Variants in AMOTL1 observed in about 807,000 individuals in gnomAD.
AMOTL1 encodes angiomotin like 1.
Under a neutral mutation model 102.9 loss-of-function variants are expected in AMOTL1, and 45 were observed. The ratio of observed to expected loss-of-function variants is 0.44; its 90% CI spans 0.34 to 0.56. AMOTL1 has a LOEUF of 0.56. AMOTL1 is among the 20% of genes least tolerant of loss of function. The pLI, the probability that AMOTL1 is intolerant of heterozygous loss-of-function variation, is 0.01. For synonymous variants in AMOTL1, 481 were observed against 484.7 expected, an observed-to-expected ratio of 0.99 and a Z score of 0.10; for missense variants, 1,114 against 1,225.6, an observed-to-expected ratio of 0.91 and a Z score of 1.36.
intron 6 of AMOTL1, among the ~76,000 whole-genome samples, chr11:94,848,876 A>T (rs1952474445): frequency 6.6e-6 from 1 of 152,242 alleles, no homozygotes; most frequent in Admixed American, 6.5e-5. Flanking sequence ...GTCCTAAATA[A>T]TTATTCGTTA....
At chr11:94,743,574 CA>C in intron 3 of AMOTL1, among the ~76,000 whole-genome samples, 1 of 150,630 alleles carries the variant, frequency 6.6e-6, no homozygotes, top group Non-Finnish European at 1.5e-5. Flanking sequence ...CAGATGAGCA[CA>C]GGTTCACTCC....
rs373792817 is a variant in AMOTL1, at chr11:94,741,231, C to T, written c.136+243C>T. Among the ~76,000 whole-genome samples the T allele has an allele frequency of 5.3e-3, 796 of 149,436 alleles. 13 individuals are homozygous for T. The highest frequency in any genetic ancestry group is 0.018 in the African/African-American group (750 of 40,928). On this transcript the variant is annotated intron_variant, in intron 3 of 4. Coordinates refer to the AMOTL1 transcript ENST00000299004. The stretch of plus-strand genomic sequence containing the variant: ...GTGTGTGTGTGTGTGCGTGCGTGTG[C>T]GTGTGTGTGTGTGTGAGTGCGTGTG...
intron 6 of AMOTL1, among the ~76,000 whole-genome samples, chr11:94,835,533 A>C (rs566466808): frequency 6.6e-6 from 1 of 152,370 alleles, no homozygotes; most frequent in African/African-American, 2.4e-5. Context: ...TTAGATGTGA[A>C]GAAAATGAAC....
At chr11:94,772,885 T>G (rs1004781929) in intron 1 of AMOTL1, among the ~76,000 whole-genome samples, 12 of 152,242 alleles carry the variant, frequency 7.9e-5, no homozygotes, top group Non-Finnish European at 1.6e-4. Flanking sequence ...CTATTTTTTA[T>G]TTTAGTTGTC....
At chr11:94,729,079 G>T in intron 2 of AMOTL1, 1 of 1,282,264 alleles carries the variant, frequency 7.8e-7, no homozygotes, top group Non-Finnish European at 1.0e-6. Flanking sequence ...TGATGTCCCT[G>T]ATAGCATGGT....
At chr11:94,798,673 G>C (rs372310633) in intron 2 of AMOTL1, among the ~76,000 whole-genome samples, 1 of 152,092 alleles carries the variant, frequency 6.6e-6, no homozygotes, top group South Asian at 2.1e-4. Context: ...GGACAGAGCT[G>C]TAGGAAACAC....
At chr11:94,777,085 C>G (rs1951036016) in intron 1 of AMOTL1, among the ~76,000 whole-genome samples, 1 of 152,322 alleles carries the variant, frequency 6.6e-6, no homozygotes, top group African/African-American at 2.4e-5. Flanking sequence ...GTCTAATGGT[C>G]TTTTTATCTA....
chr11:94,784,559 T>G (rs1320665553), intron 1 of AMOTL1, among the ~76,000 whole-genome samples: 1 of 152,226 alleles, frequency 6.6e-6, no homozygotes, highest in Admixed American at 6.5e-5. Context: ...TTCTTCACAT[T>G]ACTAAAGGAA....
intron 12 of AMOTL1, 48 bp downstream of exon 12, chr11:94,869,521 C>G: frequency 5.9e-6 from 9 of 1,524,712 alleles, no homozygotes; most frequent in Non-Finnish European, 7.9e-6. Flanking sequence ...GTGGAACTGT[C>G]TGGCCTAAGA....
intron 2 of AMOTL1, among the ~76,000 whole-genome samples, chr11:94,797,428 G>A (rs1256096603): frequency 6.6e-6 from 1 of 152,224 alleles, no homozygotes; most frequent in African/African-American, 2.4e-5. Context: ...GAGCCCCTAT[G>A]ACATCCAGGC....
At chr11:94,853,543 G>C (rs1292691033) in intron 7 of AMOTL1, among the ~76,000 whole-genome samples, 1 of 152,060 alleles carries the variant, frequency 6.6e-6, no homozygotes, top group Non-Finnish European at 1.5e-5. Context: ...TTGGACATTT[G>C]GGTTGCTTCC....
Position 94,812,510 on chromosome 11 carries a change from T to C in AMOTL1, c.1122-9020T>C, listed in dbSNP as rs571514196. 2.6e-5 allele frequency among the ~76,000 whole-genome samples: 4 copies of C among 152,296 alleles called. No individual in the cohort carries two copies. The East Asian group carries it at 7.7e-4, about 29-fold the overall frequency. The stretch of plus-strand genomic sequence containing the variant: ...TGAAACAGTAGGGCAGAGGAAGCAA[T>C]CACATGTATTTCTCAGGTAAGCAGA... On this transcript the variant is annotated intron_variant, in intron 3 of 12. Coordinates refer to ENST00000433060, the MANE Select transcript of AMOTL1 (RefSeq NM_130847.3).
upstream of AMOTL1, among the ~76,000 whole-genome samples, chr11:94,764,074 C>T (rs913876458): frequency 1.3e-5 from 2 of 152,174 alleles, no homozygotes; most frequent in African/African-American, 4.8e-5. Flanking sequence ...TGCCTTTGCT[C>T]GAAATATCCT....
At chr11:94,815,465 G>T (rs1951748969) in intron 3 of AMOTL1, among the ~76,000 whole-genome samples, 1 of 151,974 alleles carries the variant, frequency 6.6e-6, no homozygotes, top group Admixed American at 6.5e-5. Context: ...TAATCTGGTT[G>T]AAAAAACAAT....
chr11:94,736,087 C>T (rs1035158963), intron 2 of AMOTL1, among the ~76,000 whole-genome samples: 4 of 152,126 alleles, frequency 2.6e-5, no homozygotes, highest in African/African-American at 4.8e-5. Flanking sequence ...CCTCCCCATA[C>T]GTCCCACCTC....
At chr11:94,836,253 A>G (rs1275431659) in intron 6 of AMOTL1, among the ~76,000 whole-genome samples, 1 of 152,198 alleles carries the variant, frequency 6.6e-6, no homozygotes, top group Admixed American at 6.5e-5. Context: ...TCTATCAAGC[A>G]TCATTAGGAA....
upstream of AMOTL1, among the ~76,000 whole-genome samples, chr11:94,765,007 G>GA (rs1309883889): frequency 6.6e-6 from 1 of 152,178 alleles, no homozygotes; most frequent in Non-Finnish European, 1.5e-5. Flanking sequence ...CCTCTATCCA[G>GA]ATGCCTCTGT....
intron 2 of AMOTL1, among the ~76,000 whole-genome samples, chr11:94,737,468 T>C (rs963567954): frequency 6.6e-6 from 1 of 152,238 alleles, no homozygotes; most frequent in East Asian, 1.9e-4. Flanking sequence ...CTCTCTCTCC[T>C]AGGGGCTCCA....
intron 1 of AMOTL1, among the ~76,000 whole-genome samples, chr11:94,781,615 T>A (rs1951113957): frequency 6.6e-6 from 1 of 152,040 alleles, no homozygotes. Context: ...AGGTGGTGGA[T>A]CACGAGGTCA....
Sources: allele counts gnomAD v4.1 joint callset (sites outside exome capture counted in the v4.1 genomes callset), GRCh38; gene constraint gnomAD v4.1.1; transcripts MANE v1.5; gene names NCBI Gene and HGNC (gene_info 2026-07-23, HGNC 2026-07-21).